Variants in CACNA2D3 observed in about 807,000 individuals in gnomAD.
The protein encoded by CACNA2D3 is calcium voltage-gated channel auxiliary subunit alpha2delta 3.
CACNA2D3 carries 60 observed loss-of-function variants against 160.6 expected under a neutral mutation model. The observed-to-expected ratio is 0.37, with a 90% CI of 0.30 to 0.46. CACNA2D3 has a LOEUF of 0.46. Ranked by LOEUF, CACNA2D3 falls within the 20% of genes least tolerant of loss-of-function variation. The probability of loss-of-function intolerance (pLI) is 1.00; values close to 1 mark genes in which losing one functional copy is unlikely to be tolerated. For synonymous variants in CACNA2D3, 558 were observed against 492.9 expected (o/e 1.13, Z -1.75); for missense variants, 1,205 against 1,365.0 (o/e 0.88, Z 1.85).
intron 4 of CACNA2D3, among the ~76,000 whole-genome samples, chr3:54,436,651 C>T (rs560274451): frequency 7.2e-5 from 11 of 152,264 alleles, no homozygotes; most frequent in Non-Finnish European, 1.3e-4. Context: ...AAGCTGGAAG[C>T]CATCATTCTC....
At chr3:54,666,510 A>G (rs1700071792) in intron 11 of CACNA2D3, among the ~76,000 whole-genome samples, 1 of 152,212 alleles carries the variant, frequency 6.6e-6, no homozygotes, top group African/African-American at 2.4e-5. Flanking sequence ...ATATTTAAAA[A>G]TGAAGATGCT....
At chr3:54,676,377 C>T (rs1419103274) in intron 11 of CACNA2D3, among the ~76,000 whole-genome samples, 1 of 152,086 alleles carries the variant, frequency 6.6e-6, no homozygotes, top group East Asian at 1.9e-4. Context: ...GTGTCTCTCC[C>T]AGCACTTAGC....
In CACNA2D3 at chr3:54,510,949, C is replaced by A. The variant is rs1385739306; in HGVS notation, c.544+7295C>A. ...GCTCTTCCCCAAGCCCAGACCCCTT[C>A]CATTCAGCCCTGTTTGTAGAATGAA... On this transcript the variant is annotated intron_variant, in intron 5 of 37. Coordinates refer to ENST00000474759, the MANE Select transcript of CACNA2D3 (RefSeq NM_018398.3). Among the ~76,000 whole-genome samples, 4 of 152,334 alleles carry A rather than the reference C, an allele frequency of 2.6e-5. No individual in the cohort carries two copies. In the East Asian group the frequency reaches 7.7e-4, roughly 29 times the overall value.
chr3:54,426,781 A>AT (rs369161221), intron 4 of CACNA2D3, among the ~76,000 whole-genome samples: 61 of 150,102 alleles, frequency 4.1e-4, no homozygotes, highest in African/African-American at 5.1e-4. Flanking sequence ...GCATTCTTTG[A>AT]TTTTTTTTTT....
At chr3:55,065,110 G>A (rs959532903) in intron 35 of CACNA2D3, among the ~76,000 whole-genome samples, 4 of 152,172 alleles carry the variant, frequency 2.6e-5, no homozygotes, top group African/African-American at 9.7e-5. Context: ...ATTCACAAAG[G>A]GGTGCCTACT....
intron 12 of CACNA2D3, among the ~76,000 whole-genome samples, chr3:54,762,022 C>G (rs1702089494): frequency 6.6e-6 from 1 of 152,194 alleles, no homozygotes; most frequent in African/African-American, 2.4e-5. Flanking sequence ...CACATACTCT[C>G]TTTAATTTGT....
intron 35 of CACNA2D3, among the ~76,000 whole-genome samples, chr3:55,054,723 A>G (rs1019577889): frequency 1.3e-5 from 2 of 151,944 alleles, no homozygotes; most frequent in African/African-American, 2.4e-5. Context: ...ATGTGACACA[A>G]TTACTGTACA....
intron 11 of CACNA2D3, among the ~76,000 whole-genome samples, chr3:54,741,475 T>G (rs1482445930): frequency 1.3e-5 from 2 of 152,026 alleles, no homozygotes; most frequent in Non-Finnish European, 2.9e-5. Flanking sequence ...AGTAACTTGC[T>G]GGGCAAGGTG....
At chr3:54,162,627 A>C (rs1342654863) in intron 2 of CACNA2D3, among the ~76,000 whole-genome samples, 1 of 152,174 alleles carries the variant, frequency 6.6e-6, no homozygotes, top group Non-Finnish European at 1.5e-5. Flanking sequence ...TGAGTTTAAA[A>C]CTAACATGTA....
chr3:54,783,325 G>A (rs1702568965), intron 13 of CACNA2D3, among the ~76,000 whole-genome samples: 1 of 152,166 alleles, frequency 6.6e-6, no homozygotes, highest in South Asian at 2.1e-4. Flanking sequence ...ACTGGAGCCA[G>A]CCGGGCACGG....
In CACNA2D3 at chr3:54,896,970, C is replaced by G. The variant is rs1458537455; in HGVS notation, c.2368+100C>G. 4 of 1,476,498 alleles carry G rather than the reference C, an allele frequency of 2.7e-6. No homozygotes were observed. The African/African-American group carries it at 5.5e-5, about 20-fold the overall frequency. 91.5% of individuals were successfully genotyped at this position (1,476,498 alleles called of 1,614,324 possible). On this transcript the variant is annotated intron_variant, in intron 26 of 37. Coordinates refer to ENST00000474759, the MANE Select transcript of CACNA2D3 (RefSeq NM_018398.3). ...GAGCTGCCTGAATGCTGAAAGGAAC[C>G]AAGTTCAACCCTCAGAGCCAGTGCT...
intron 9 of CACNA2D3, among the ~76,000 whole-genome samples, chr3:54,608,785 A>G (rs148652069): frequency 8.9e-4 from 135 of 152,320 alleles, no homozygotes; most frequent in African/African-American, 3.0e-3. Context: ...AGAATGCACA[A>G]TCTATTGAAG....
Position 54,887,995 on chromosome 3 carries a change from C to T in CACNA2D3, c.2093C>T (p.Ala698Val), listed in dbSNP as rs375563519. Residue 698 changes from alanine to valine, a missense_variant, in exon 24 of 38, where the codon GCG becomes GTG. By Grantham distance (64) the Ala-to-Val change is moderately conservative (BLOSUM62 0). Coordinates refer to ENST00000474759, the MANE Select transcript of CACNA2D3 (RefSeq NM_018398.3). Reference sequence around the variant, plus strand: ...TTGATCCAAGAAGTCCTTTTTGACGCGGTGGTGAGTGCCCCCATTGAAGCG... The same window carrying T: ...TTGATCCAAGAAGTCCTTTTTGACGTGGTGGTGAGTGCCCCCATTGAAGCG... ...KELIQEVLFDAVVSAPIEAYW... is the reference protein window; with the variant it reads ...KELIQEVLFDVVVSAPIEAYW... The T allele has an allele frequency of 5.7e-5, 92 of 1,613,788 alleles. No homozygotes were observed. The highest frequency in any genetic ancestry group is 3.0e-4 in the South Asian group (27 of 91,080).
In CACNA2D3 at chr3:55,009,426, C is replaced by A; in HGVS notation, c.2858C>A (p.Ser953Tyr). 6.2e-7 allele frequency: 1 copy of A among 1,613,856 alleles called. No homozygotes were observed. Among genetic ancestry groups the A allele is most frequent in the Non-Finnish European group, 8.5e-7 (1 of 1,179,774 alleles). ...TTTAACCTCTGCAGTTGGTGGCACT[C>A]CGATATGACAGCTAAAGGTGAGCAG... is the stretch of plus-strand genomic sequence containing the variant. ...VEFNLCSWWH[S>Y]DMTAKAQKLK... The change falls in exon 34 of 38, where the codon TCC becomes TAC. Residue 953 changes from serine (S) to tyrosine (Y), a missense_variant. This residue lies in a region of CACNA2D3 where 911 missense variants were observed against 1,002.2 expected (regional missense o/e 0.91). Transcript: ENST00000474759.
chr3:54,713,029 A>G (rs1406011049), intron 11 of CACNA2D3, among the ~76,000 whole-genome samples: 1 of 152,200 alleles, frequency 6.6e-6, no homozygotes, highest in Non-Finnish European at 1.5e-5. Flanking sequence ...CATACTACTC[A>G]TAGGAATGTT....
chr3:54,471,107 A>G (rs1387483313), intron 4 of CACNA2D3, among the ~76,000 whole-genome samples: 1 of 152,236 alleles, frequency 6.6e-6, no homozygotes, highest in African/African-American at 2.4e-5. Flanking sequence ...CAGAATGTAC[A>G]TCCTTCTCAG....
chr3:54,573,226 T>C (rs190707858), intron 8 of CACNA2D3, among the ~76,000 whole-genome samples: 235 of 152,330 alleles, frequency 1.5e-3, no homozygotes, highest in African/African-American at 5.5e-3. Context: ...GAAGCCTTTA[T>C]AGTAAAATCA....
At chr3:54,135,166 C>G (rs565373097) in intron 2 of CACNA2D3, among the ~76,000 whole-genome samples, 1 of 152,156 alleles carries the variant, frequency 6.6e-6, no homozygotes, top group Non-Finnish European at 1.5e-5. Flanking sequence ...CTCACCTTCT[C>G]GGGGAGCTGC....
chr3:54,931,970 C>T (rs1035642595), intron 27 of CACNA2D3, among the ~76,000 whole-genome samples: 6 of 152,032 alleles, frequency 3.9e-5, no homozygotes, highest in Non-Finnish European at 7.4e-5. Flanking sequence ...CACTTGAGTC[C>T]AGGAGTTCAA....
Sources: gnomAD v4.1 joint callset for allele counts (sites outside exome capture counted in the v4.1 genomes callset) on GRCh38, gnomAD v4.1.1 for gene constraint, gnomAD v4.1.1 regional missense constraint, MANE v1.5 for transcripts, NCBI Gene and HGNC (gene_info 2026-07-23, HGNC 2026-07-21) for gene names.